GRB14: variants seen among roughly 807,000 people sequenced by gnomAD.
The protein encoded by GRB14 is growth factor receptor-bound protein 14.
A neutral mutation model predicts 69.1 loss-of-function variants in GRB14; 38 were observed. The ratio of observed to expected loss-of-function variants is 0.55; its 90% confidence interval spans 0.42 to 0.72. The LOEUF is 0.72. GRB14 is among the 30% of genes least tolerant of loss of function. The pLI, the probability that GRB14 is intolerant of heterozygous loss-of-function variation, is 0.00. For missense variants in GRB14, 666 were observed against 666.1 expected (o/e 1.00, Z 0.00); for synonymous variants, 247 against 241.3 (o/e 1.02, Z -0.22).
chr2:164,506,839 AC>A (rs1687203587), intron 8 of GRB14, among the ~76,000 whole-genome samples: 1 of 152,154 alleles, frequency 6.6e-6, no homozygotes, highest in African/African-American at 2.4e-5. Context: ...ATGTTGGTGA[AC>A]CACAAAACAC....
chr2:164,569,907 A>AAAC (rs1689085910), intron 2 of GRB14, among the ~76,000 whole-genome samples: 2 of 152,340 alleles, frequency 1.3e-5, no homozygotes, highest in South Asian at 2.1e-4. Context: ...ATGGGGGGTT[A>AAAC]GCATTTGTGA....
chr2:164,547,038 A>G (rs1364133431), intron 3 of GRB14, among the ~76,000 whole-genome samples: 1 of 152,184 alleles, frequency 6.6e-6, no homozygotes, highest in Admixed American at 6.5e-5. Context: ...TAGAGCCAAA[A>G]AGAAGGCAAT....
At chr2:164,590,427 T>G (rs1689635299) in intron 2 of GRB14, among the ~76,000 whole-genome samples, 1 of 152,170 alleles carries the variant, frequency 6.6e-6, no homozygotes, top group South Asian at 2.1e-4. Context: ...TAAAGTTATC[T>G]CCCAGTGAGT....
chr2:164,540,373 G>A (rs1180919559), intron 3 of GRB14, among the ~76,000 whole-genome samples: 1 of 152,182 alleles, frequency 6.6e-6, no homozygotes, highest in Non-Finnish European at 1.5e-5. Flanking sequence ...CACTTTGGGA[G>A]TCCGAGGCGG....
At chr2:164,495,496 T>TAACA (rs1384145140) in intron 12 of GRB14, among the ~76,000 whole-genome samples, 2 of 152,210 alleles carry the variant, frequency 1.3e-5, no homozygotes, top group African/African-American at 4.8e-5. Flanking sequence ...ACATGGCCTC[T>TAACA]AACAGCCTAA....
chr2:164,497,636 G>A, intron 9 of GRB14, 146 bp from the exon 10 acceptor site: 1 of 601,408 alleles, frequency 1.7e-6, no homozygotes, highest in Non-Finnish European at 3.0e-6. Context: ...TGCCTGAAGG[G>A]GCTAGCAGAA....
intron 2 of GRB14, among the ~76,000 whole-genome samples, chr2:164,609,185 G>GCACTCATTCTCCC (rs1690108831): frequency 6.6e-6 from 1 of 152,206 alleles, no homozygotes; most frequent in Non-Finnish European, 1.5e-5. Context: ...CCAGCTGTTA[G>GCACTCATTCTCCC]AGTATCAGCC....
intron 2 of GRB14, among the ~76,000 whole-genome samples, chr2:164,554,654 G>T (rs186894434): frequency 2.0e-5 from 3 of 152,112 alleles, no homozygotes; most frequent in African/African-American, 2.4e-5. Flanking sequence ...TTCAAAAACT[G>T]CCCTAGGAGC....
intron 3 of GRB14, among the ~76,000 whole-genome samples, chr2:164,540,769 A>T (rs1038769172): frequency 2.0e-5 from 3 of 152,180 alleles, no homozygotes; most frequent in Non-Finnish European, 4.4e-5. Context: ...GCAAACTCAC[A>T]AGGGCAATAC....
chr2:164,602,415 T>C (rs937175872), intron 2 of GRB14, among the ~76,000 whole-genome samples: 2 of 152,162 alleles, frequency 1.3e-5, no homozygotes, highest in African/African-American at 4.8e-5. Flanking sequence ...TAGGTCAAAA[T>C]TGAGATTTAC....
At chr2:164,537,514 A>G (rs568769961) in intron 3 of GRB14, among the ~76,000 whole-genome samples, 5 of 152,278 alleles carry the variant, frequency 3.3e-5, no homozygotes, top group African/African-American at 1.2e-4. Flanking sequence ...ACAGGTCACA[A>G]GATGCTACAA....
chr2:164,551,760 C>T (rs560680416), intron 2 of GRB14, among the ~76,000 whole-genome samples: 3 of 152,140 alleles, frequency 2.0e-5, no homozygotes, highest in South Asian at 2.1e-4. Flanking sequence ...GTTCATAATG[C>T]GCCTCTTTTA....
chr2:164,553,205 T>A (rs1038390984), intron 2 of GRB14, among the ~76,000 whole-genome samples: 2 of 152,180 alleles, frequency 1.3e-5, no homozygotes, highest in African/African-American at 2.4e-5. Flanking sequence ...CAATTTTTTT[T>A]AAAAAAGGGC....
chr2:164,531,117 C>A (rs541099495), intron 3 of GRB14, among the ~76,000 whole-genome samples: 2 of 152,292 alleles, frequency 1.3e-5, no homozygotes, highest in South Asian at 4.1e-4. Flanking sequence ...TCAAGGTTCT[C>A]AGCCTTAGCA....
intron 2 of GRB14, among the ~76,000 whole-genome samples, chr2:164,565,494 T>C (rs1428281669): frequency 6.6e-6 from 1 of 152,144 alleles, no homozygotes; most frequent in Non-Finnish European, 1.5e-5. Context: ...AGGAGAAGCA[T>C]ACTGGAAGTC....
At chr2:164,617,951 C>A (rs1558886993) in intron 2 of GRB14, among the ~76,000 whole-genome samples, 3 of 56,302 alleles carry the variant, frequency 5.3e-5, no homozygotes, top group African/African-American at 1.1e-4. Context: ...AAGCCAGAAT[C>A]TTTTTTTTGG....
Position 164,596,332 on chromosome 2 carries a change from G to C in GRB14, c.324+23355C>G, listed in dbSNP as rs189723560. Reference sequence around the variant, plus strand: ...AACCAAGCATCAATAAAGCAGTAAGGGTTGTTTTGTCTTTTGAAATATTGT... The same window carrying C: ...AACCAAGCATCAATAAAGCAGTAAGCGTTGTTTTGTCTTTTGAAATATTGT... On this transcript the variant is annotated intron_variant, in intron 2 of 13. Coordinates refer to ENST00000263915, the MANE Select transcript of GRB14 (RefSeq NM_004490.3). 2.3e-3 allele frequency among the ~76,000 whole-genome samples: 355 copies of C among 152,206 alleles called. 2 individuals carry two copies. Among genetic ancestry groups the C allele is most frequent in the African/African-American group, 8.0e-3 (332 of 41,524 alleles).
chr2:164,499,964 A>G (rs1574243494), intron 9 of GRB14, among the ~76,000 whole-genome samples: 1 of 152,132 alleles, frequency 6.6e-6, no homozygotes, highest in Non-Finnish European at 1.5e-5. Context: ...CAGTGACTTG[A>G]CCAAAGTCAC....
At chr2:164,599,313 G>A (rs566228003) in intron 2 of GRB14, among the ~76,000 whole-genome samples, 2 of 152,258 alleles carry the variant, frequency 1.3e-5, no homozygotes, top group South Asian at 2.1e-4. Context: ...AGTATCGTAT[G>A]GGTAAAATAA....
Sources: allele counts gnomAD v4.1 joint callset (sites outside exome capture counted in the v4.1 genomes callset), GRCh38; gene constraint gnomAD v4.1.1; transcripts MANE v1.5; gene names NCBI Gene and HGNC (gene_info 2026-07-23, HGNC 2026-07-21).